Variants in RUNX1 observed in about 807,000 individuals in gnomAD.
RUNX1 encodes RUNX family transcription factor 1.
RUNX1 carries 19 observed loss-of-function variants against 42.8 expected under a neutral mutation model. The ratio of observed to expected loss-of-function variants is 0.44; its 90% CI spans 0.31 to 0.65. RUNX1 has a LOEUF of 0.65. Ranked by LOEUF, RUNX1 falls within the 30% of genes least tolerant of loss-of-function variation. RUNX1 has a pLI of 0.07. For missense variants in RUNX1, 528 were observed against 672.0 expected, an observed-to-expected ratio of 0.79 and a Z score of 2.37; for synonymous variants, 271 against 289.4, an observed-to-expected ratio of 0.94 and a Z score of 0.64.
At chr21:34,982,733 C>A (rs1421844218) in intron 2 of RUNX1, among the ~76,000 whole-genome samples, 1 of 152,034 alleles carries the variant, frequency 6.6e-6, no homozygotes, top group African/African-American at 2.4e-5. Flanking sequence ...CAACACCCAG[C>A]TAATTTTTGT....
chr21:35,010,916 C>G (rs1445586815), intron 2 of RUNX1, among the ~76,000 whole-genome samples: 1 of 152,160 alleles, frequency 6.6e-6, no homozygotes, highest in East Asian at 1.9e-4. Context: ...CTTTAGCCAA[C>G]AACTGTTCGA....
chr21:34,817,736 C>T (rs974917749), intron 7 of RUNX1, among the ~76,000 whole-genome samples: 1 of 152,170 alleles, frequency 6.6e-6, no homozygotes, highest in Admixed American at 6.5e-5. Flanking sequence ...CTTTTCCTGA[C>T]TCCTACACTA....
intron 6 of RUNX1, among the ~76,000 whole-genome samples, chr21:34,855,666 G>A (rs2057485749): frequency 6.6e-6 from 1 of 152,178 alleles, no homozygotes; most frequent in African/African-American, 2.4e-5. Flanking sequence ...CCGAGATTGT[G>A]CCACTGCACC....
intron 7 of RUNX1, among the ~76,000 whole-genome samples, chr21:34,820,314 G>A (rs979610608): frequency 7.9e-5 from 12 of 152,082 alleles, no homozygotes; most frequent in Non-Finnish European, 4.4e-5. Flanking sequence ...AGGAGGGTAG[G>A]TGTGGCTTTG....
chr21:34,890,159 C>T (rs546486267), intron 3 of RUNX1, among the ~76,000 whole-genome samples: 1 of 151,940 alleles, frequency 6.6e-6, no homozygotes, highest in Non-Finnish European at 1.5e-5. Context: ...CCGGGCGGGC[C>T]CGGACTGCGC....
intron 4 of RUNX1, among the ~76,000 whole-genome samples, chr21:34,882,592 C>T (rs1011909658): frequency 6.6e-6 from 1 of 152,114 alleles, no homozygotes; most frequent in African/African-American, 2.4e-5. Context: ...GTGTTTGTTG[C>T]CATTTAATTA....
chr21:34,908,076 A>G (rs1162828201), intron 2 of RUNX1, among the ~76,000 whole-genome samples: 2 of 152,178 alleles, frequency 1.3e-5, no homozygotes, highest in African/African-American at 4.8e-5. Context: ...GGAGGGTCTT[A>G]TGAAATTGTA....
chr21:34,998,085 G>A (rs1397350490), intron 2 of RUNX1, among the ~76,000 whole-genome samples: 1 of 152,078 alleles, frequency 6.6e-6, no homozygotes, highest in African/African-American at 2.4e-5. Flanking sequence ...TGTATGACTT[G>A]GGTAAGCATT....
intron 3 of RUNX1, among the ~76,000 whole-genome samples, chr21:34,892,100 A>C (rs569568211): frequency 6.6e-6 from 1 of 152,388 alleles, no homozygotes; most frequent in South Asian, 2.1e-4. Flanking sequence ...ATTTGTAAAA[A>C]TGCAGTACGT....
chr21:34,886,356 A>T (rs912259989), intron 4 of RUNX1, among the ~76,000 whole-genome samples: 1 of 152,210 alleles, frequency 6.6e-6, no homozygotes, highest in Admixed American at 6.5e-5. Context: ...GGGAAAAAAA[A>T]TCCCTGACAG....
intron 2 of RUNX1, among the ~76,000 whole-genome samples, chr21:34,933,457 A>G (rs945941615): frequency 5.3e-5 from 8 of 152,192 alleles, no homozygotes; most frequent in African/African-American, 1.4e-4. Flanking sequence ...CCAACATCTG[A>G]CATTTTATGA....
chr21:34,837,052 A>G (rs2057157563), intron 6 of RUNX1, among the ~76,000 whole-genome samples: 1 of 152,228 alleles, frequency 6.6e-6, no homozygotes, highest in Non-Finnish European at 1.5e-5. Context: ...CTTAGAAATG[A>G]GAGCTTTAAC....
At chr21:34,949,643 C>T (rs749236852) in intron 2 of RUNX1, among the ~76,000 whole-genome samples, 1 of 152,214 alleles carries the variant, frequency 6.6e-6, no homozygotes, top group Non-Finnish European at 1.5e-5. Flanking sequence ...AGCTCCAACC[C>T]CAATCGCTGT....
intron 2 of RUNX1, among the ~76,000 whole-genome samples, chr21:34,948,243 C>A (rs1405232603): frequency 2.0e-5 from 3 of 152,114 alleles, no homozygotes; most frequent in Non-Finnish European, 2.9e-5. Flanking sequence ...AACGGCAACA[C>A]CTCTCCAACA....
chr21:34,961,128 C>A (rs1366095858), intron 2 of RUNX1, among the ~76,000 whole-genome samples: 2 of 152,140 alleles, frequency 1.3e-5, no homozygotes, highest in Non-Finnish European at 2.9e-5. Flanking sequence ...GTAATCCCAG[C>A]ACTTTGGGAG....
In RUNX1 at chr21:34,788,439, C is replaced by A. The variant is rs986522494; in HGVS notation, c.*3696G>T. On this transcript the variant is annotated 3_prime_UTR_variant, in exon 9 of 9. Transcript: ENST00000675419. ...TTGGAACCATGCTATTAGCTGTTTA[C>A]AAAAGTGAATAAGAAGTAGCTCATT... 7 of 232,434 alleles carry A rather than the reference C, an allele frequency of 3.0e-5. No homozygotes were observed. Among genetic ancestry groups the A allele is most frequent in the Non-Finnish European group, 5.9e-5 (7 of 117,678 alleles). 14.4% of individuals were successfully genotyped at this position (232,434 alleles called of 1,614,324 possible).
intron 8 of RUNX1, among the ~76,000 whole-genome samples, chr21:34,797,310 T>C (rs990105951): frequency 6.6e-5 from 10 of 152,376 alleles, no homozygotes; most frequent in South Asian, 2.1e-4. Flanking sequence ...CCTTGGGTGA[T>C]TGAAGTCCAG....
In RUNX1 at chr21:34,886,738, C is replaced by G. The variant is rs2057994398; in HGVS notation, c.351+105G>C. On this transcript the variant is annotated intron_variant, in intron 4 of 8. Coordinates refer to ENST00000675419, the MANE Select transcript of RUNX1 (RefSeq NM_001754.5). ...AAGACCGACCCGGGGCTGCGGGGGC[C>G]CCTTTCCAGAATCCGGCCCCGCCCG... is the stretch of plus-strand genomic sequence containing the variant. The G allele has an allele frequency of 4.5e-6, 7 of 1,565,982 alleles. 1 individual carries two copies. In the Admixed American group the frequency reaches 1.3e-4, roughly 28 times the overall value.
At chr21:34,849,334 AT>A (rs2057369599) in intron 6 of RUNX1, among the ~76,000 whole-genome samples, 1 of 29,686 alleles carries the variant, frequency 3.4e-5, no homozygotes, top group Admixed American at 7.6e-4. Flanking sequence ...TATATATACT[AT>A]ATATATTATA....
Sources: allele counts gnomAD v4.1 joint callset (sites outside exome capture counted in the v4.1 genomes callset), GRCh38; gene constraint gnomAD v4.1.1; transcripts MANE v1.5; gene names NCBI Gene and HGNC (gene_info 2026-07-23, HGNC 2026-07-21).